Variants in DIAPH3 observed in about 807,000 individuals in gnomAD.
DIAPH3 encodes the protein protein diaphanous homolog 3.
A neutral mutation model predicts 144.3 loss-of-function variants in DIAPH3; 117 were observed. The ratio of observed to expected loss-of-function variants is 0.81; its 90% CI spans 0.70 to 0.95. The LOEUF (loss-of-function observed/expected upper bound fraction) is 0.95, where lower values mean the gene tolerates loss of function less well. Ranked by LOEUF, DIAPH3 falls within the 40% of genes least tolerant of loss-of-function variation. The pLI is 0.00. For synonymous variants in DIAPH3, 519 were observed against 488.9 expected (o/e 1.06, Z -0.81); for missense variants, 1,421 against 1,412.7 (o/e 1.01, Z -0.09).
intron 25 of DIAPH3, among the ~76,000 whole-genome samples, chr13:59,776,213 T>C (rs2038405727): frequency 6.6e-6 from 1 of 152,152 alleles, no homozygotes; most frequent in African/African-American, 2.4e-5. Context: ...TAAACAGATA[T>C]ATAAATATAA....
At chr13:59,817,923 A>C (rs926753919) in intron 24 of DIAPH3, among the ~76,000 whole-genome samples, 3 of 151,918 alleles carry the variant, frequency 2.0e-5, no homozygotes, top group African/African-American at 7.2e-5. Flanking sequence ...TCAATTTATA[A>C]ATTTATGTAA....
At chr13:59,718,414 C>A (rs1263249784) in intron 27 of DIAPH3, among the ~76,000 whole-genome samples, 1 of 152,142 alleles carries the variant, frequency 6.6e-6, no homozygotes, top group East Asian at 1.9e-4. Flanking sequence ...TCAGAAACAG[C>A]AATAGTGTTT....
At chr13:59,966,308 T>G (rs1375884015) in intron 17 of DIAPH3, among the ~76,000 whole-genome samples, 4 of 151,784 alleles carry the variant, frequency 2.6e-5, no homozygotes, top group Non-Finnish European at 4.4e-5. Flanking sequence ...CAACAGGAAT[T>G]AAGAGGAAAG....
intron 24 of DIAPH3, among the ~76,000 whole-genome samples, chr13:59,822,740 C>A (rs1447843085): frequency 6.6e-6 from 1 of 152,058 alleles, no homozygotes; most frequent in Non-Finnish European, 1.5e-5. Flanking sequence ...CAGGCCTAGC[C>A]ATATGAACCT....
chr13:59,689,370 A>G (rs550775995), intron 27 of DIAPH3, among the ~76,000 whole-genome samples: 3 of 152,170 alleles, frequency 2.0e-5, no homozygotes, highest in Admixed American at 2.0e-4. Flanking sequence ...GAAAATGGGA[A>G]GTGCAGGTGG....
intron 17 of DIAPH3, among the ~76,000 whole-genome samples, chr13:59,950,412 C>A (rs888089230): frequency 6.6e-6 from 1 of 152,150 alleles, no homozygotes; most frequent in African/African-American, 2.4e-5. Context: ...ACTCATCCAT[C>A]CAACAAGCTT....
chr13:60,029,266 A>G (rs2054611555), intron 5 of DIAPH3, among the ~76,000 whole-genome samples: 1 of 151,766 alleles, frequency 6.6e-6, no homozygotes, highest in Admixed American at 6.6e-5. Flanking sequence ...TGCAACATTC[A>G]CCCACCCCTT....
chr13:59,757,128 T>G (rs2037319330), intron 27 of DIAPH3, among the ~76,000 whole-genome samples: 2 of 152,096 alleles, frequency 1.3e-5, no homozygotes, highest in Non-Finnish European at 2.9e-5. Context: ...GACACCATTT[T>G]GTCGATAGTA....
intron 27 of DIAPH3, among the ~76,000 whole-genome samples, chr13:59,737,386 A>G (rs1472662001): frequency 6.6e-6 from 1 of 152,206 alleles, no homozygotes. Context: ...TTGCATACTC[A>G]TTATCATTTA....
At chr13:60,101,040 C>G (rs946797979) in intron 3 of DIAPH3, among the ~76,000 whole-genome samples, 3 of 152,168 alleles carry the variant, frequency 2.0e-5, no homozygotes. Context: ...GACCTTCTCA[C>G]CCATTCTCCC....
chr13:59,767,896 A>G (rs1173456658), intron 27 of DIAPH3, among the ~76,000 whole-genome samples: 1 of 152,182 alleles, frequency 6.6e-6, no homozygotes, highest in African/African-American at 2.4e-5. Context: ...TAACCTGTTC[A>G]TGCTTAAGAG....
intron 20 of DIAPH3, among the ~76,000 whole-genome samples, chr13:59,893,336 G>A (rs189778394): frequency 1.3e-5 from 2 of 152,226 alleles, no homozygotes; most frequent in African/African-American, 4.8e-5. Context: ...TAACAAAAGA[G>A]GGATTATGAG....
Position 59,666,601 on chromosome 13 carries a change from T to C in DIAPH3, c.3565A>G (p.Arg1189Gly), listed in dbSNP as rs765450860. The change falls in exon 28 of 28, where the codon AGA becomes GGA. Residue 1189 changes from arginine (R) to glycine (G), a missense_variant. Coordinates refer to ENST00000400324, the MANE Select transcript of DIAPH3 (RefSeq NM_001042517.2). ...AGTTTAACTTATAAAGCTCGTAATC[T>C]TGCCAGCAGGGCTTCAACTTCGGGA... ...SVPEVEALLARLRAL is the reference protein window; with the variant it reads ...SVPEVEALLAGLRAL The C allele has an allele frequency of 6.8e-6, 11 of 1,614,032 alleles. No individual in the cohort carries two copies. Among genetic ancestry groups the C allele is most frequent in the Non-Finnish European group, 9.3e-6 (11 of 1,180,002 alleles).
chr13:59,729,795 G>A (rs534858823), intron 27 of DIAPH3, among the ~76,000 whole-genome samples: 24 of 136,472 alleles, frequency 1.8e-4, no homozygotes, highest in South Asian at 1.6e-3. Context: ...TGTGACTTCC[G>A]GTGAATACAT....
At chr13:59,792,554 T>C (rs2039383513) in intron 25 of DIAPH3, among the ~76,000 whole-genome samples, 1 of 152,220 alleles carries the variant, frequency 6.6e-6, no homozygotes, top group Non-Finnish European at 1.5e-5. Context: ...CCGACTTCCT[T>C]GGCCATAATC....
In DIAPH3 at chr13:59,729,810, A is replaced by ATTTTTTTTT. The variant is rs59987412; in HGVS notation, c.3319+44370_3319+44378dup. The stretch of plus-strand genomic sequence containing the variant: ...TGTGACTTCCGGTGAATACATTAAT[A>ATTTTTTTTT]TTTTTTTTTTTTTTTTTTTGAGATA... On this transcript the variant is annotated intron_variant, in intron 27 of 27. Transcript: ENST00000400324. Among the ~76,000 whole-genome samples the ATTTTTTTTT allele has an allele frequency of 1.8e-3, 240 of 134,150 alleles. 5 individuals are homozygous for ATTTTTTTTT. Among genetic ancestry groups the ATTTTTTTTT allele is most frequent in the East Asian group, 8.0e-3 (36 of 4,524 alleles). 88.0% of individuals were successfully genotyped at this position (134,150 alleles called of 152,430 possible).
chr13:59,954,450 A>T (rs1003774467), intron 17 of DIAPH3, among the ~76,000 whole-genome samples: 1 of 152,198 alleles, frequency 6.6e-6, no homozygotes, highest in Non-Finnish European at 1.5e-5. Context: ...TGGTTGTAGG[A>T]CATGCTTATT....
At position 59,992,208 on chromosome 13, in the gene DIAPH3, T is replaced by C. The variant is rs2051868416; in HGVS notation, c.1126-22A>G. 3 of 1,554,020 alleles carry C rather than the reference T, an allele frequency of 1.9e-6. No individual in the cohort carries two copies. In the African/African-American group the frequency reaches 4.1e-5, roughly 21 times the overall value. On this transcript the variant is annotated intron_variant, in intron 10 of 27. Transcript: ENST00000400324. ...AATTCTAGAGATATGAAATAGAAATTATGATGAATGATTTTGTTTTTAATT... is the reference window on the plus strand; with the variant it reads ...AATTCTAGAGATATGAAATAGAAATCATGATGAATGATTTTGTTTTTAATT...
chr13:59,867,787 AC>A lies in DIAPH3; in HGVS notation c.2608-6252del, dbSNP rs776793385. Reference sequence around the variant, plus strand: ...GATATAAAACAGCTCAATGTTCCTTACAAAAAAGGACTATTTTCAGTTCTTT... The same window carrying A: ...GATATAAAACAGCTCAATGTTCCTTAAAAAAAGGACTATTTTCAGTTCTTT... On this transcript the variant is annotated intron_variant, in intron 21 of 27. Transcript: ENST00000400324. Among the ~76,000 whole-genome samples, 7 of 152,256 alleles carry A rather than the reference AC, an allele frequency of 4.6e-5. No homozygotes were observed. The East Asian group carries it at 1.2e-3, about 25-fold the overall frequency.
Sources: allele counts gnomAD v4.1 joint callset (sites outside exome capture counted in the v4.1 genomes callset), GRCh38; gene constraint gnomAD v4.1.1; transcripts MANE v1.5; gene names NCBI Gene and HGNC (gene_info 2026-07-23, HGNC 2026-07-21).